Variants in RIMS3 observed in about 807,000 individuals in gnomAD.
The protein encoded by RIMS3 is regulating synaptic membrane exocytosis 3.
In RIMS3, 15 loss-of-function variants were observed where a neutral mutation model predicts 29.2. The observed-to-expected ratio is 0.51, with a 90% CI of 0.34 to 0.79. The LOEUF is 0.79. Among genes scored for constraint, RIMS3 ranks in the 30% least tolerant of loss-of-function variants. The pLI is 0.01. For synonymous variants in RIMS3, 161 were observed against 170.1 expected (o/e 0.95, Z 0.41); for missense variants, 342 against 421.4 (o/e 0.81, Z 1.65).
chr1:40,657,842 G>A (rs1004956223), intron 1 of RIMS3, among the ~76,000 whole-genome samples: 35 of 151,404 alleles, frequency 2.3e-4, no homozygotes, highest in African/African-American at 8.0e-4. Flanking sequence ...AGGAAGTTGA[G>A]ACTGCAGTGA....
chr1:40,629,757 C>T lies in RIMS3; in HGVS notation c.473-385G>A, dbSNP rs572577723. 4.0e-3 allele frequency among the ~76,000 whole-genome samples: 606 copies of T among 152,170 alleles called. 2 individuals are homozygous for T. The highest frequency in any genetic ancestry group is 5.5e-3 in the Non-Finnish European group (376 of 67,996). On this transcript the variant is annotated intron_variant, in intron 5 of 7. Transcript: ENST00000372684. ...CTGTGGGCTCAGTGGCTGTTCTTCA[C>T]CTCCCCATACATCTGTGTCAAAAGA...
Position 40,633,052 on chromosome 1 carries a change from C to T in RIMS3, c.472+17G>A. 6.2e-7 allele frequency: 1 copy of T among 1,604,172 alleles called. No homozygotes were observed. Among genetic ancestry groups the T allele is most frequent in the East Asian group, 2.2e-5 (1 of 44,830 alleles). On this transcript the variant is annotated intron_variant, in intron 5 of 7. Transcript: ENST00000372684. ...GGTCACCATTACCCCACTCAACCTG[C>T]CCTTAATAAGACTCACCCATGGGTG...
At position 40,621,980 on chromosome 1, in the gene RIMS3, G is replaced by A. The variant is rs1435021214; in HGVS notation, c.*4537C>T. 2.6e-5 allele frequency: 4 copies of A among 152,650 alleles called. No homozygotes were observed. The highest frequency in any genetic ancestry group is 2.0e-4 in the Admixed American group (3 of 15,284). The allele number at this position is 152,650 out of a possible 1,614,324, so 9.5% of individuals were successfully genotyped here. ...GCCCCAAGCCAATCTAGGCCCCTGA[G>A]AGAATGCAACTTTCTCTCACTGATG... On this transcript the variant is annotated 3_prime_UTR_variant, in exon 8 of 8. Coordinates refer to ENST00000372684, the MANE Select transcript of RIMS3 (RefSeq NM_014747.3).
intron 3 of RIMS3, among the ~76,000 whole-genome samples, chr1:40,637,199 T>C (rs1279625989): frequency 6.6e-6 from 1 of 152,084 alleles, no homozygotes; most frequent in Non-Finnish European, 1.5e-5. Flanking sequence ...TTGGCAATTC[T>C]CTCCCACCAC....
the RIMS3 span, among the ~76,000 whole-genome samples, chr1:40,680,446 C>G: frequency 6.6e-6 from 1 of 151,660 alleles, no homozygotes; most frequent in South Asian, 2.1e-4. Flanking sequence ...ATTCTTGTAC[C>G]TCAGCCTCCC....
intron 2 of RIMS3, among the ~76,000 whole-genome samples, chr1:40,644,810 C>T (rs1646584035): frequency 6.6e-6 from 1 of 152,216 alleles, no homozygotes; most frequent in Admixed American, 6.5e-5. Context: ...GGCAGCTGAC[C>T]ATGCCAGGGT....
Position 40,621,876 on chromosome 1 carries a change from C to T in RIMS3, c.*4641G>A, listed in dbSNP as rs1176271106. ...CTCCTTGGGAGGCCCAAGGCCCTGT[C>T]CTTACTGGCCAAGTTTCCAACCAGA... On this transcript the variant is annotated 3_prime_UTR_variant, in exon 8 of 8. Transcript: ENST00000372684. 3 of 152,380 alleles carry T rather than the reference C, an allele frequency of 2.0e-5. No individual in the cohort carries two copies. In the East Asian group the frequency reaches 5.8e-4, roughly 29 times the overall value. The allele number at this position is 152,380 out of a possible 1,614,324, so 9.4% of individuals were successfully genotyped here.
upstream of RIMS3, among the ~76,000 whole-genome samples, chr1:40,668,509 T>TGGGG (rs1642454246): frequency 1.1e-5 from 1 of 91,512 alleles, no homozygotes; most frequent in Non-Finnish European, 2.3e-5. Context: ...GGGGGGTTGG[T>TGGGG]GGCGGAGATC....
intron 1 of RIMS3, among the ~76,000 whole-genome samples, chr1:40,657,859 T>C (rs1264886885): frequency 6.6e-6 from 1 of 151,828 alleles, no homozygotes; most frequent in East Asian, 1.9e-4. Context: ...GTGAGCTGTG[T>C]TCAAGTCACT....
chr1:40,655,733 G>T (rs561508110), intron 1 of RIMS3, among the ~76,000 whole-genome samples: 1 of 152,306 alleles, frequency 6.6e-6, no homozygotes, highest in South Asian at 2.1e-4. Context: ...GGCTGGGCAC[G>T]GTGGCTCACG....
In RIMS3 at chr1:40,624,104, G is replaced by A. The variant is rs1646439221; in HGVS notation, c.*2413C>T. ...CCCCTGTGCTAACCCTTCCCCAGAG[G>A]CAAGGGTCACCACGGCCTGGAACCC... is the stretch of plus-strand genomic sequence containing the variant. On this transcript the variant is annotated 3_prime_UTR_variant, in exon 8 of 8. Coordinates refer to ENST00000372684, the MANE Select transcript of RIMS3 (RefSeq NM_014747.3). 1 of 152,264 alleles carries A rather than the reference G, an allele frequency of 6.6e-6. No homozygotes were observed. The highest frequency in any genetic ancestry group is 1.5e-5 in the Non-Finnish European group (1 of 68,066). The allele number at this position is 152,264 out of a possible 1,614,324, so 9.4% of individuals were successfully genotyped here. A position where few individuals can be genotyped will look rare whatever the true frequency, so the allele number is the denominator to read the frequency against.
At chr1:40,676,111 T>G in the RIMS3 span, among the ~76,000 whole-genome samples, 2 of 152,140 alleles carry the variant, frequency 1.3e-5, no homozygotes, top group Non-Finnish European at 2.9e-5. Context: ...GTCCTAGACC[T>G]CTATCCTTCA....
At chr1:40,639,993 C>G (rs924179588) in intron 3 of RIMS3, among the ~76,000 whole-genome samples, 3 of 152,142 alleles carry the variant, frequency 2.0e-5, no homozygotes, top group Non-Finnish European at 4.4e-5. Flanking sequence ...CTGCCTGCAG[C>G]CTGTAAAGTC....
At chr1:40,631,534 C>T (rs889021526) in intron 5 of RIMS3, among the ~76,000 whole-genome samples, 3 of 151,872 alleles carry the variant, frequency 2.0e-5, no homozygotes, top group Admixed American at 6.6e-5. Flanking sequence ...AAAAAATTAG[C>T]CATGTGTGGC....
At chr1:40,653,535 G>C (rs941362852) in intron 1 of RIMS3, among the ~76,000 whole-genome samples, 3 of 152,212 alleles carry the variant, frequency 2.0e-5, no homozygotes, top group Non-Finnish European at 4.4e-5. Context: ...AGCACAGCTG[G>C]AATGGAAAGC....
chr1:40,649,962 G>A (rs1295199775), intron 1 of RIMS3, among the ~76,000 whole-genome samples: 2 of 151,904 alleles, frequency 1.3e-5, no homozygotes, highest in Non-Finnish European at 2.9e-5. Flanking sequence ...AGGGGAGTGG[G>A]GTGCTGAAGG....
the RIMS3 span, among the ~76,000 whole-genome samples, chr1:40,685,595 A>G: frequency 6.6e-6 from 1 of 151,920 alleles, no homozygotes; most frequent in South Asian, 2.1e-4. Context: ...CACTTATCCC[A>G]GGAACAGTCC....
At position 40,633,056 on chromosome 1, in the gene RIMS3, T is replaced by A. The variant is rs1172046069; in HGVS notation, c.472+13A>T. ...ACCATTACCCCACTCAACCTGCCCT[T>A]AATAAGACTCACCCATGGGTGGTGT... On this transcript the variant is annotated intron_variant, in intron 5 of 7. Transcript: ENST00000372684. 1 of 1,608,330 alleles carries A rather than the reference T, an allele frequency of 6.2e-7. No individual in the cohort carries two copies. Among genetic ancestry groups the A allele is most frequent in the Admixed American group, 1.7e-5 (1 of 59,992 alleles).
Position 40,626,477 on chromosome 1 carries a change from C to T in RIMS3, c.*40G>A, listed in dbSNP as rs1419227609. The T allele has an allele frequency of 6.5e-6, 10 of 1,532,936 alleles. No homozygotes were observed. Among genetic ancestry groups the T allele is most frequent in the Non-Finnish European group, 8.9e-6 (10 of 1,126,220 alleles). The allele number at this position is 1,532,936 out of a possible 1,614,324, so 95.0% of individuals were successfully genotyped here. ...GGGGAGGACATGGGGCCAGCAGGCACCCCTCCCCACACCACCATCCTGGCC... is the reference window on the plus strand; with the variant it reads ...GGGGAGGACATGGGGCCAGCAGGCATCCCTCCCCACACCACCATCCTGGCC... On this transcript the variant is annotated 3_prime_UTR_variant, in exon 8 of 8. Transcript: ENST00000372684.
Sources: allele counts gnomAD v4.1 joint callset (sites outside exome capture counted in the v4.1 genomes callset), GRCh38; gene constraint gnomAD v4.1.1; transcripts MANE v1.5; gene names NCBI Gene and HGNC (gene_info 2026-07-23, HGNC 2026-07-21).